Variants in DHX15 observed in about 807,000 individuals in gnomAD.
The protein encoded by DHX15 is ATP-dependent RNA helicase DHX15.
In DHX15, 11 loss-of-function variants were observed where a neutral mutation model predicts 94.4. That is an observed-to-expected ratio of 0.12 (90% CI 0.07 to 0.19). The LOEUF (loss-of-function observed/expected upper bound fraction) is 0.19. DHX15 is among the 10% of genes least tolerant of loss of function. The pLI, the probability that DHX15 is intolerant of heterozygous loss-of-function variation, is 1.00. For synonymous variants in DHX15, 338 were observed against 329.9 expected, an observed-to-expected ratio of 1.02 and a Z score of -0.27; for missense variants, 304 against 988.5, an observed-to-expected ratio of 0.31 and a Z score of 9.29.
chr4:24,566,769 T>C (rs1722004027), intron 3 of DHX15, among the ~76,000 whole-genome samples: 1 of 152,238 alleles, frequency 6.6e-6, no homozygotes, highest in African/African-American at 2.4e-5. Flanking sequence ...GAGGTTGCAG[T>C]GAGCCGAGAT....
chr4:24,547,285 T>C (rs1364997994), intron 6 of DHX15, among the ~76,000 whole-genome samples: 1 of 152,256 alleles, frequency 6.6e-6, no homozygotes. Flanking sequence ...TATAAGCTCA[T>C]GATCAGTCCT....
chr4:24,566,096 C>T (rs1432539288), intron 3 of DHX15, among the ~76,000 whole-genome samples: 2 of 150,932 alleles, frequency 1.3e-5, no homozygotes, highest in East Asian at 1.9e-4. Context: ...CAGGCTGGAG[C>T]GCAGTGACAC....
At chr4:24,569,653 T>C (rs566449416) in intron 3 of DHX15, among the ~76,000 whole-genome samples, 1 of 147,590 alleles carries the variant, frequency 6.8e-6, no homozygotes, top group South Asian at 2.2e-4. Flanking sequence ...TAACACTATA[T>C]ATCTCTCTGA....
At chr4:24,538,846 T>A (rs555544818) in intron 10 of DHX15, 2 of 152,118 alleles carry the variant, frequency 1.3e-5, no homozygotes, top group African/African-American at 2.4e-5. Flanking sequence ...ACAGTAATCA[T>A]GTAAGTATAT....
At chr4:24,584,097 A>G in intron 1 of DHX15, 1 of 555,058 alleles carries the variant, frequency 1.8e-6, no homozygotes, top group Non-Finnish European at 3.2e-6. Flanking sequence ...AGGCCTCTCC[A>G]CCCTCCGGAC....
chr4:24,584,058 G>T (rs1722545507), intron 1 of DHX15: 2 of 503,498 alleles, frequency 4.0e-6, no homozygotes, highest in Middle Eastern at 4.9e-4. Context: ...GGTTCGGCCT[G>T]GGGGAGGAGG....
At chr4:24,576,747 C>A in intron 1 of DHX15, 69 bp from the exon 2 acceptor site, 1 of 1,556,036 alleles carries the variant, frequency 6.4e-7, no homozygotes, top group Non-Finnish European at 8.7e-7. Flanking sequence ...GTTATAATCA[C>A]AAAGAGAGTA....
At chr4:24,551,841 A>C (rs1277251324) in intron 5 of DHX15, among the ~76,000 whole-genome samples, 4 of 152,240 alleles carry the variant, frequency 2.6e-5, no homozygotes, top group African/African-American at 7.2e-5. Context: ...CAGATTTCAC[A>C]CATTAAAAAT....
intron 9 of DHX15, 50 bp from the exon 10 acceptor site, chr4:24,540,349 A>C: frequency 6.7e-7 from 1 of 1,502,080 alleles, no homozygotes; most frequent in Non-Finnish European, 9.0e-7. Context: ...GCAAGCAAAA[A>C]TGTGACAAAG....
chr4:24,544,130 AAACAC>A (rs974585976), intron 6 of DHX15, among the ~76,000 whole-genome samples: 3 of 152,218 alleles, frequency 2.0e-5, no homozygotes, highest in African/African-American at 7.2e-5. Flanking sequence ...CATCTTAAAA[AAACAC>A]ATGTGGGAGA....
At chr4:24,569,237 T>C in intron 3 of DHX15, among the ~76,000 whole-genome samples, 1 of 152,238 alleles carries the variant, frequency 6.6e-6, no homozygotes, top group East Asian at 1.9e-4. Context: ...AGATTGGATA[T>C]GAAATAAATA....
chr4:24,556,671 T>A (rs978773652), intron 3 of DHX15, among the ~76,000 whole-genome samples: 1 of 152,166 alleles, frequency 6.6e-6, no homozygotes, highest in Non-Finnish European at 1.5e-5. Flanking sequence ...ATATGACCAA[T>A]TATGGAACAT....
intron 5 of DHX15, among the ~76,000 whole-genome samples, chr4:24,549,261 C>T (rs1280642941): frequency 2.0e-5 from 3 of 152,172 alleles, no homozygotes; most frequent in Non-Finnish European, 2.9e-5. Context: ...GCATTCCACA[C>T]CCCTTTTCTT....
At position 24,576,626 on chromosome 4, in the gene DHX15, G is replaced by C. The variant is rs1362756311; in HGVS notation, c.124C>G (p.Arg42Gly). The C allele has an allele frequency of 2.5e-6, 4 of 1,613,376 alleles. No individual in the cohort carries two copies. Among genetic ancestry groups the C allele is most frequent in the Non-Finnish European group, 3.4e-6 (4 of 1,179,734 alleles). The change falls in exon 2 of 14, where the codon CGA becomes GGA. Residue 42 changes from arginine (R) to glycine (G), a missense_variant. By Grantham distance (125) the Arg-to-Gly change is moderately radical. Transcript: ENST00000336812. ...DREDRSKDRD[R>G]ERDRGDRERE... Reference sequence around the variant, plus strand: ...TCTCTATCTCCTCTATCACGTTCTCGGTCTCGATCTTTAGACCGATCTTCA... The same window carrying C: ...TCTCTATCTCCTCTATCACGTTCTCCGTCTCGATCTTTAGACCGATCTTCA...
Position 24,584,319 on chromosome 4 carries a change from T to C in DHX15, c.71+4A>G. The C allele has an allele frequency of 1.2e-6, 2 of 1,611,564 alleles. No individual in the cohort carries two copies. Among genetic ancestry groups the C allele is most frequent in the Non-Finnish European group, 1.7e-6 (2 of 1,179,270 alleles). ...TGCCGCCTCGCGCCCCCGGCCTGGC[T>C]TACCCATCGGTCCCCGCACGCTTCT... On this transcript the variant is annotated splice_donor_region_variant and intron_variant, in intron 1 of 13. Coordinates refer to ENST00000336812, the MANE Select transcript of DHX15 (RefSeq NM_001358.3).
At chr4:24,574,868 G>GT (rs1173008284) in intron 2 of DHX15, among the ~76,000 whole-genome samples, 3 of 152,094 alleles carry the variant, frequency 2.0e-5, no homozygotes, top group Non-Finnish European at 2.9e-5. Context: ...TAAAATTTCC[G>GT]TAAGGTGATT....
chr4:24,540,099 C>G lies in DHX15; in HGVS notation c.1786+9G>C. 1 of 1,506,880 alleles carries G rather than the reference C, an allele frequency of 6.6e-7. No homozygotes were observed. The highest frequency in any genetic ancestry group is 1.8e-4 in the Middle Eastern group (1 of 5,648). The allele number at this position is 1,506,880 out of a possible 1,614,324, so 93.3% of individuals were successfully genotyped here. A position where few individuals can be genotyped will look rare whatever the true frequency, so the allele number is the denominator to read the frequency against. On this transcript the variant is annotated intron_variant, in intron 10 of 13. Coordinates refer to ENST00000336812, the MANE Select transcript of DHX15 (RefSeq NM_001358.3). ...GCTGGGCTTTTTTTTGTTCCTTTCC[C>G]TCTATTACCTGACAACATAGCAGTA... is the stretch of plus-strand genomic sequence containing the variant.
intron 13 of DHX15, 61 bp downstream of exon 13, chr4:24,529,540 G>T: frequency 1.4e-6 from 2 of 1,462,352 alleles, no homozygotes; most frequent in South Asian, 2.4e-5. Flanking sequence ...TCTAGCAACA[G>T]TCAGGTTCCA....
chr4:24,575,138 C>G (rs1346167936), intron 2 of DHX15, among the ~76,000 whole-genome samples: 1 of 146,646 alleles, frequency 6.8e-6, no homozygotes, highest in Admixed American at 6.9e-5. Context: ...AAGACTGTCT[C>G]AACAACAACA....
Sources: gnomAD v4.1 joint callset for allele counts (sites outside exome capture counted in the v4.1 genomes callset) on GRCh38, gnomAD v4.1.1 for gene constraint, MANE v1.5 for transcripts, NCBI Gene and HGNC (gene_info 2026-07-23, HGNC 2026-07-21) for gene names.